DNAJC5B: variants seen among roughly 807,000 people sequenced by gnomAD.
DNAJC5B encodes dnaJ homolog subfamily C member 5B.
DNAJC5B carries 23 observed loss-of-function variants against 24.7 expected under a neutral mutation model. The ratio of observed to expected loss-of-function variants is 0.93; its 90% CI spans 0.67 to 1.32. The LOEUF (loss-of-function observed/expected upper bound fraction) is 1.32, where lower values mean the gene tolerates loss of function less well. DNAJC5B is among the 40% of genes most tolerant of loss of function. The pLI is 0.00. For missense variants in DNAJC5B, 238 were observed against 240.8 expected, an observed-to-expected ratio of 0.99 and a Z score of 0.08; for synonymous variants, 101 against 90.1, an observed-to-expected ratio of 1.12 and a Z score of -0.68.
chr8:66,058,886 A>G (rs980145242), intron 3 of DNAJC5B, among the ~76,000 whole-genome samples: 2 of 152,216 alleles, frequency 1.3e-5, no homozygotes, highest in African/African-American at 4.8e-5. Context: ...CATTTTGTGA[A>G]GAGAAATGAG....
At chr8:66,068,658 A>G (rs572147321) in intron 3 of DNAJC5B, among the ~76,000 whole-genome samples, 6 of 152,264 alleles carry the variant, frequency 3.9e-5, no homozygotes, top group Admixed American at 3.9e-4. Context: ...GAGAGTAGAA[A>G]GAGAATGAGG....
intron 2 of DNAJC5B, among the ~76,000 whole-genome samples, chr8:66,045,986 G>A (rs1435168357): frequency 6.6e-6 from 1 of 152,166 alleles, no homozygotes; most frequent in Non-Finnish European, 1.5e-5. Context: ...CCAGTCAGCA[G>A]GGAAAATAAG....
chr8:66,053,545 A>G (rs182192473), intron 3 of DNAJC5B, among the ~76,000 whole-genome samples: 43 of 152,246 alleles, frequency 2.8e-4, no homozygotes, highest in Non-Finnish European at 5.3e-4. Flanking sequence ...ATTATCATTA[A>G]TATTCTGTTT....
intron 5 of DNAJC5B, 136 bp downstream of exon 5, chr8:66,080,684 T>C: frequency 1.4e-6 from 1 of 721,494 alleles, no homozygotes; most frequent in African/African-American, 1.8e-5. Context: ...GACTGTCAGC[T>C]TTGGTACAGC....
At chr8:66,051,137 C>CACTT (rs1806835980) in intron 2 of DNAJC5B, among the ~76,000 whole-genome samples, 3 of 152,172 alleles carry the variant, frequency 2.0e-5, no homozygotes, top group Non-Finnish European at 2.9e-5. Flanking sequence ...CCATATCCAC[C>CACTT]ACTTCCATTG....
chr8:66,078,651 T>G (rs1043155958), intron 4 of DNAJC5B, among the ~76,000 whole-genome samples: 1 of 152,188 alleles, frequency 6.6e-6, no homozygotes, highest in African/African-American at 2.4e-5. Context: ...TCAAGAACAC[T>G]GCACAGGAGG....
intron 3 of DNAJC5B, among the ~76,000 whole-genome samples, chr8:66,076,309 T>C (rs999427223): frequency 6.6e-6 from 1 of 152,230 alleles, no homozygotes; most frequent in African/African-American, 2.4e-5. Flanking sequence ...AAACTGGTCC[T>C]GTTGCTGAAA....
chr8:66,057,753 G>C (rs1326426640), intron 3 of DNAJC5B: 1 of 152,236 alleles, frequency 6.6e-6, no homozygotes, highest in Admixed American at 6.5e-5. Flanking sequence ...ACAGCAGCCT[G>C]AAGGAAGTGA....
intron 5 of DNAJC5B, among the ~76,000 whole-genome samples, chr8:66,096,268 A>G (rs1807951053): frequency 6.6e-6 from 1 of 152,028 alleles, no homozygotes; most frequent in East Asian, 1.9e-4. Context: ...ATTAGGGCCC[A>G]CTCTAGTGAC....
rs1013575812 is a variant in DNAJC5B at position 66,080,518 on chromosome 8, G to A, written c.475G>A (p.Glu159Lys). ...CTTCTATGTGTCCCCAGAGGATCTG[G>A]AGGAGCAGATCAAGTCTGACATGGA... ...EDFYVSPEDL[E>K]EQIKSDMEKD... The change falls in exon 5 of 6, where the codon GAG (glutamate) becomes AAG (lysine). Residue 159 changes from glutamate (E) to lysine (K), a missense_variant. By Grantham distance (56) the Glu-to-Lys change is moderately conservative. Coordinates refer to ENST00000276570, the MANE Select transcript of DNAJC5B (RefSeq NM_033105.6). 1.6e-5 allele frequency: 25 copies of A among 1,612,768 alleles called. No homozygotes were observed. The highest frequency in any genetic ancestry group is 2.1e-5 in the Non-Finnish European group (25 of 1,179,444).
intron 2 of DNAJC5B, among the ~76,000 whole-genome samples, chr8:66,049,152 A>C (rs1181420319): frequency 6.6e-6 from 1 of 152,266 alleles, no homozygotes; most frequent in African/African-American, 2.4e-5. Context: ...CAGACTACAT[A>C]TACAATGGTA....
In DNAJC5B at chr8:66,042,620, CT is replaced by C. The variant is rs1806636666; in HGVS notation, c.-141-866del. 3.6e-5 allele frequency among the ~76,000 whole-genome samples: 5 copies of C among 140,048 alleles called. No homozygotes were observed. The East Asian group carries it at 7.9e-4, about 22-fold the overall frequency. 91.9% of individuals were successfully genotyped at this position (140,048 alleles called of 152,430 possible). ...TCCTCTTCTTCTTCTTCTTCTTCTT[CT>C]TCTCCTTCTCCTTCTCCTTCTCCTC... On this transcript the variant is annotated intron_variant, in intron 1 of 5. Transcript: ENST00000276570.
intron 3 of DNAJC5B, chr8:66,056,782 G>A (rs1806971009): frequency 6.6e-6 from 1 of 152,196 alleles, no homozygotes; most frequent in Non-Finnish European, 1.5e-5. Flanking sequence ...AATAAGAAAA[G>A]ACAATCAGCT....
chr8:66,053,715 C>T (rs755154074), intron 3 of DNAJC5B, among the ~76,000 whole-genome samples: 1 of 151,846 alleles, frequency 6.6e-6, no homozygotes, highest in Non-Finnish European at 1.5e-5. Flanking sequence ...CCGCAACCTC[C>T]GCCTCCCAGG....
intron 5 of DNAJC5B, among the ~76,000 whole-genome samples, chr8:66,088,330 C>T (rs1807773961): frequency 6.6e-6 from 1 of 152,190 alleles, no homozygotes; most frequent in South Asian, 2.1e-4. Context: ...GCCCAAGAAA[C>T]CATTTTTTTT....
chr8:66,074,618 A>G (rs1807421208), intron 3 of DNAJC5B, among the ~76,000 whole-genome samples: 1 of 152,234 alleles, frequency 6.6e-6, no homozygotes, highest in Non-Finnish European at 1.5e-5. Flanking sequence ...ATCAATGTAG[A>G]AATGACAACA....
At chr8:66,041,186 CAT>C (rs1375537428) in intron 1 of DNAJC5B, among the ~76,000 whole-genome samples, 2 of 152,128 alleles carry the variant, frequency 1.3e-5, no homozygotes, top group African/African-American at 4.8e-5. Context: ...ATACTAATAA[CAT>C]AAATGATGTA....
At chr8:66,080,273 G>A (rs1268001606) in intron 4 of DNAJC5B, 104 bp from the exon 5 acceptor site, 9 of 1,485,220 alleles carry the variant, frequency 6.1e-6, no homozygotes, top group Non-Finnish European at 8.2e-6. Flanking sequence ...GAACTGTGAA[G>A]TGTTCAGGTC....
chr8:66,092,490 G>A lies in DNAJC5B; in HGVS notation c.506-7447G>A, dbSNP rs141780823. Among the ~76,000 whole-genome samples, 834 of 152,180 alleles carry A rather than the reference G, an allele frequency of 5.5e-3. 5 individuals are homozygous for A. The highest frequency in any genetic ancestry group is 0.01 in the Middle Eastern group (3 of 294). ...CTCTAAGATACTGGTTGAGGTTCTCGGGGTAATTCGCCTAACTCCTTTATC... is the reference window on the plus strand; with the variant it reads ...CTCTAAGATACTGGTTGAGGTTCTCAGGGTAATTCGCCTAACTCCTTTATC... On this transcript the variant is annotated intron_variant, in intron 5 of 5. Transcript: ENST00000276570.
Sources: allele counts gnomAD v4.1 joint callset (sites outside exome capture counted in the v4.1 genomes callset), GRCh38; gene constraint gnomAD v4.1.1; transcripts MANE v1.5; gene names NCBI Gene and HGNC (gene_info 2026-07-23, HGNC 2026-07-21).